The following TENM3 variants were observed in gnomAD, a reference collection of about 807,000 sequenced individuals.
TENM3 encodes the protein teneurin transmembrane protein 3, also known as teneurin-3.
TENM3 carries 63 observed loss-of-function variants against 255.1 expected under a neutral mutation model. The observed-to-expected ratio is 0.25, with a 90% CI of 0.20 to 0.30. The LOEUF (loss-of-function observed/expected upper bound fraction) is 0.30. Ranked by LOEUF, TENM3 falls within the 10% of genes least tolerant of loss-of-function variation. TENM3 has a pLI of 1.00. For missense variants in TENM3, 2,929 were observed against 3,461.1 expected (o/e 0.85, Z 3.86); for synonymous variants, 1,306 against 1,322.3 (o/e 0.99, Z 0.27).
chr4:181,655,769 G>A, the TENM3 span, among the ~76,000 whole-genome samples: 1 of 152,110 alleles, frequency 6.6e-6, no homozygotes, highest in South Asian at 2.1e-4. Context: ...AACAAAATAT[G>A]CAAAGTCCAG....
chr4:181,806,205 C>T, the TENM3 span, among the ~76,000 whole-genome samples: 1 of 152,150 alleles, frequency 6.6e-6, no homozygotes, highest in East Asian at 1.9e-4. Context: ...TTTCTGAGCC[C>T]AGAAATTCCT....
At chr4:182,641,619 A>G (rs1211740145) in intron 5 of TENM3, among the ~76,000 whole-genome samples, 3 of 151,182 alleles carry the variant, frequency 2.0e-5, no homozygotes, top group Non-Finnish European at 4.4e-5. Context: ...CCTCCACCTC[A>G]TAGGTTCAAG....
the TENM3 span, among the ~76,000 whole-genome samples, chr4:181,664,906 C>T: frequency 2.0e-5 from 3 of 152,156 alleles, no homozygotes; most frequent in Admixed American, 6.5e-5. Context: ...TCTTATGCTC[C>T]CTTAAGGAAT....
chr4:181,460,513 A>G, the TENM3 span, among the ~76,000 whole-genome samples: 1 of 151,948 alleles, frequency 6.6e-6, no homozygotes, highest in South Asian at 2.1e-4. Flanking sequence ...AATATATTTA[A>G]TGTCATTATT....
chr4:182,376,476 C>A (rs1767187725), intron 3 of TENM3, among the ~76,000 whole-genome samples: 1 of 152,188 alleles, frequency 6.6e-6, no homozygotes, highest in South Asian at 2.1e-4. Flanking sequence ...TAAAGATATT[C>A]ATTCCAAGCC....
At chr4:182,076,610 T>A in the TENM3 span, among the ~76,000 whole-genome samples, 1 of 152,200 alleles carries the variant, frequency 6.6e-6, no homozygotes, top group Non-Finnish European at 1.5e-5. Flanking sequence ...CTTCTACCAC[T>A]CTTCTATGAA....
the TENM3 span, among the ~76,000 whole-genome samples, chr4:181,605,584 G>GAAAGAAAGAAA: frequency 5.8e-4 from 40 of 69,194 alleles, 6 homozygotes; most frequent in Non-Finnish European, 9.0e-4. Context: ...GAGAAAGAAA[G>GAAAGAAAGAAA]GAAAGAAAGA....
intron 5 of TENM3, among the ~76,000 whole-genome samples, chr4:182,644,368 T>G (rs1187471729): frequency 1.3e-5 from 2 of 152,222 alleles, no homozygotes; most frequent in Non-Finnish European, 2.9e-5. Flanking sequence ...AAAATGGCAC[T>G]GAATTTGTTA....
the TENM3 span, among the ~76,000 whole-genome samples, chr4:181,657,696 G>A: frequency 6.6e-6 from 1 of 152,086 alleles, no homozygotes; most frequent in Non-Finnish European, 1.5e-5. Flanking sequence ...CATCACAGCT[G>A]TATTCACAAT....
the TENM3 span, among the ~76,000 whole-genome samples, chr4:181,606,342 C>T: frequency 1.3e-5 from 2 of 152,198 alleles, no homozygotes; most frequent in African/African-American, 4.8e-5. Flanking sequence ...TGCAACTCTT[C>T]AGCCACACTG....
chr4:182,287,344 C>T (rs896716377), intron 1 of TENM3, among the ~76,000 whole-genome samples: 2 of 152,252 alleles, frequency 1.3e-5, no homozygotes, highest in Non-Finnish European at 2.9e-5. Context: ...TTCAGCCTCA[C>T]AGGCTTTTTG....
chr4:182,527,036 A>G (rs1387552516), intron 3 of TENM3, among the ~76,000 whole-genome samples: 2 of 152,132 alleles, frequency 1.3e-5, no homozygotes, highest in Non-Finnish European at 2.9e-5. Flanking sequence ...ACATCTGACA[A>G]ATGAAATGTG....
chr4:182,467,287 T>C (rs796068876), intron 3 of TENM3, among the ~76,000 whole-genome samples: 4 of 137,100 alleles, frequency 2.9e-5, no homozygotes, highest in South Asian at 2.5e-4. Context: ...AACTTTTTAA[T>C]GTAAAAGAGA....
chr4:181,680,888 G>A, the TENM3 span, among the ~76,000 whole-genome samples: 2 of 151,994 alleles, frequency 1.3e-5, no homozygotes, highest in African/African-American at 4.8e-5. Flanking sequence ...TATGTCAACT[G>A]TCCATGCAGG....
chr4:182,301,014 T>C (rs73869917), intron 1 of TENM3, among the ~76,000 whole-genome samples: 7,322 of 152,280 alleles, frequency 0.048, 361 homozygotes, highest in African/African-American at 0.12. Context: ...TTTAAAGCTC[T>C]CCTTTAAAAA....
chr4:182,115,967 C>T, the TENM3 span, among the ~76,000 whole-genome samples: 6 of 152,112 alleles, frequency 3.9e-5, no homozygotes, highest in African/African-American at 1.4e-4. Context: ...CCCATATATC[C>T]TGTCCCCCCT....
At chr4:181,701,981 G>C in the TENM3 span, among the ~76,000 whole-genome samples, 1 of 152,156 alleles carries the variant, frequency 6.6e-6, no homozygotes. Flanking sequence ...CACAGGATCT[G>C]TTGACCAGAA....
In TENM3 at chr4:182,789,815, T is replaced by TA. The variant is rs1012979315; in HGVS notation, c.5601+431dup. Among the ~76,000 whole-genome samples the TA allele has an allele frequency of 6.6e-6, 1 of 152,164 alleles. No homozygotes were observed. Among genetic ancestry groups the TA allele is most frequent in the Non-Finnish European group, 1.5e-5 (1 of 68,022 alleles). On this transcript the variant is annotated intron_variant, in intron 25 of 27. Coordinates refer to ENST00000511685, the MANE Select transcript of TENM3 (RefSeq NM_001080477.4). The surrounding 1 kb of genome is among the most constrained non-coding windows in gnomAD (Gnocchi z 4.4). ...TCCTGGCAGAGCTTCAACATAATCATAAAAAGCATGTAGATCCTAGTTACG... is the reference window on the plus strand; with the variant it reads ...TCCTGGCAGAGCTTCAACATAATCATAAAAAAGCATGTAGATCCTAGTTACG...
At chr4:181,523,603 T>G in the TENM3 span, among the ~76,000 whole-genome samples, 1 of 152,134 alleles carries the variant, frequency 6.6e-6, no homozygotes, top group African/African-American at 2.4e-5. Flanking sequence ...GGTGTCACTT[T>G]TCTTCAGATA....
Sources: allele counts gnomAD v4.1 joint callset (sites outside exome capture counted in the v4.1 genomes callset), GRCh38; gene constraint gnomAD v4.1.1; non-coding constraint Gnocchi (gnomAD v3.1); transcripts MANE v1.5; gene names NCBI Gene and HGNC (gene_info 2026-07-23, HGNC 2026-07-21).